Variants in MACO1 observed in about 807,000 individuals in gnomAD.
The protein encoded by MACO1 is macoilin.
In MACO1, 14 loss-of-function variants were observed where a neutral mutation model predicts 78.7. That is an observed-to-expected ratio of 0.18 (90% CI 0.12 to 0.28). MACO1 has a LOEUF of 0.28. MACO1 is among the 10% of genes least tolerant of loss of function. The probability of loss-of-function intolerance (pLI) is 1.00; values close to 1 mark genes in which losing one functional copy is unlikely to be tolerated. For missense variants in MACO1, 501 were observed against 799.0 expected, an observed-to-expected ratio of 0.63 and a Z score of 4.50; for synonymous variants, 288 against 291.6, an observed-to-expected ratio of 0.99 and a Z score of 0.12.
intron 1 of MACO1, among the ~76,000 whole-genome samples, chr1:25,440,967 G>A (rs758287255): frequency 1.3e-5 from 2 of 152,134 alleles, no homozygotes; most frequent in Non-Finnish European, 2.9e-5. Flanking sequence ...TATTAAATTA[G>A]TTTCTTCATA....
intron 6 of MACO1, among the ~76,000 whole-genome samples, chr1:25,468,612 C>A (rs1344654702): frequency 1.3e-5 from 2 of 152,132 alleles, no homozygotes; most frequent in Non-Finnish European, 2.9e-5. Context: ...GCTCCAAATT[C>A]ATTTGGTTAT....
At chr1:25,453,099 G>C (rs1185479503) in intron 3 of MACO1, among the ~76,000 whole-genome samples, 1 of 149,288 alleles carries the variant, frequency 6.7e-6, no homozygotes, top group Non-Finnish European at 1.5e-5. Context: ...TCTGCCTCCC[G>C]GGTTCAAGCG....
intron 6 of MACO1, among the ~76,000 whole-genome samples, chr1:25,461,934 C>A (rs35346083): frequency 0.57 from 86,464 of 151,480 alleles, 26,118 homozygotes; most frequent in African/African-American, 0.77. Context: ...AAGGAAAAGC[C>A]TCTATCTGAG....
intron 1 of MACO1, among the ~76,000 whole-genome samples, chr1:25,437,845 C>T (rs2042933158): frequency 6.6e-6 from 1 of 152,052 alleles, no homozygotes; most frequent in Non-Finnish European, 1.5e-5. Context: ...CACGTGAGCC[C>T]AGGAGTTTGA....
Position 25,490,704 on chromosome 1 carries a change from A to G in MACO1, c.1618-706A>G, listed in dbSNP as rs187770357. On this transcript the variant is annotated intron_variant, in intron 9 of 10. Transcript: ENST00000374343. ...AATTTTGGTATGTAAACATTCAGGA[A>G]TATTGTACAGCCAATAAAAATTTTA... 6.6e-5 allele frequency among the ~76,000 whole-genome samples: 10 copies of G among 152,364 alleles called. No individual in the cohort carries two copies. In the East Asian group the frequency reaches 1.5e-3, roughly 23 times the overall value.
At chr1:25,440,427 A>G (rs983847167) in intron 1 of MACO1, among the ~76,000 whole-genome samples, 1 of 151,334 alleles carries the variant, frequency 6.6e-6, no homozygotes, top group Non-Finnish European at 1.5e-5. Flanking sequence ...AAAAAGAAGA[A>G]AGAAAAAAGT....
At chr1:25,483,410 CACTT>C (rs765370920) in intron 6 of MACO1, among the ~76,000 whole-genome samples, 2 of 152,176 alleles carry the variant, frequency 1.3e-5, no homozygotes, top group Non-Finnish European at 2.9e-5. Flanking sequence ...CAATACCTGT[CACTT>C]AAAGTGAAAC....
At chr1:25,436,122 T>G (rs1041900831) in intron 1 of MACO1, among the ~76,000 whole-genome samples, 5 of 152,202 alleles carry the variant, frequency 3.3e-5, no homozygotes, top group African/African-American at 1.2e-4. Context: ...CTCACTAGAT[T>G]TAGAGATTGA....
intron 3 of MACO1, 49 bp from the exon 4 acceptor site, chr1:25,454,210 A>C (rs2043094457): frequency 6.7e-7 from 1 of 1,487,804 alleles, no homozygotes; most frequent in Non-Finnish European, 9.0e-7. Flanking sequence ...TCCATCTGTT[A>C]GTTACTATAT....
At chr1:25,451,066 T>TGGGCTACTGGCCCATAAAGATGG (rs374153687) in intron 3 of MACO1, among the ~76,000 whole-genome samples, 7,147 of 152,270 alleles carry the variant, frequency 0.047, 537 homozygotes, top group African/African-American at 0.16. Context: ...TGTCATAAAA[T>TGGGCTACTGGCCCATAAAGATGG]GCTACTGGCC....
chr1:25,484,182 C>G lies in MACO1; in HGVS notation c.1221C>G (p.Leu407=). The G allele has an allele frequency of 1.2e-6, 2 of 1,614,086 alleles. No homozygotes were observed. The highest frequency in any genetic ancestry group is 1.7e-6 in the Non-Finnish European group (2 of 1,180,016). The change falls in exon 7 of 11, where the codon CTC becomes CTG. Residue 407 remains leucine (L), a synonymous_variant. Transcript: ENST00000374343. ...LQASRQVEQE[L]RSQISSLSST... ...CCAGCAGACAAGTGGAACAAGAGCT[C>G]CGCAGTCAGATCAGCTCCCTTTCGA...
intron 7 of MACO1, among the ~76,000 whole-genome samples, chr1:25,484,903 C>A (rs1156728596): frequency 6.6e-6 from 1 of 152,088 alleles, no homozygotes; most frequent in Non-Finnish European, 1.5e-5. Context: ...AGGAATGTAA[C>A]TCAAAAGCTA....
At chr1:25,482,704 G>T (rs1439960655) in intron 6 of MACO1, among the ~76,000 whole-genome samples, 1 of 152,124 alleles carries the variant, frequency 6.6e-6, no homozygotes, top group Non-Finnish European at 1.5e-5. Flanking sequence ...CTATAGTTTG[G>T]CCTAATGGTG....
At chr1:25,432,464 A>G (rs1422692541) in intron 1 of MACO1, among the ~76,000 whole-genome samples, 1 of 152,258 alleles carries the variant, frequency 6.6e-6, no homozygotes, top group South Asian at 2.1e-4. Flanking sequence ...TATATATACT[A>G]TGTGCCAGGA....
chr1:25,441,992 C>A (rs2042977191), intron 1 of MACO1, among the ~76,000 whole-genome samples: 1 of 152,164 alleles, frequency 6.6e-6, no homozygotes, highest in African/African-American at 2.4e-5. Context: ...AATTCCATGA[C>A]AATGAGAAAT....
intron 8 of MACO1, among the ~76,000 whole-genome samples, chr1:25,486,777 C>T (rs1251455819): frequency 6.6e-6 from 1 of 152,210 alleles, no homozygotes. Context: ...CCTGCCTCCC[C>T]CCAGCAGATG....
At chr1:25,475,452 C>G (rs1292035042) in intron 6 of MACO1, among the ~76,000 whole-genome samples, 1 of 151,364 alleles carries the variant, frequency 6.6e-6, no homozygotes, top group Admixed American at 6.6e-5. Flanking sequence ...TGGCTCACGC[C>G]TGTAATCTGA....
intron 10 of MACO1, among the ~76,000 whole-genome samples, chr1:25,496,515 T>G (rs981379865): frequency 3.9e-5 from 6 of 152,164 alleles, no homozygotes; most frequent in Admixed American, 2.6e-4. Flanking sequence ...AATCATGTCT[T>G]TCTTCTGGTC....
At chr1:25,439,629 G>T (rs925949773) in intron 1 of MACO1, among the ~76,000 whole-genome samples, 1 of 151,452 alleles carries the variant, frequency 6.6e-6, no homozygotes, top group Non-Finnish European at 1.5e-5. Context: ...TGCAGCAGTG[G>T]TTCCAGTTTA....
Sources: gnomAD v4.1 joint callset for allele counts (sites outside exome capture counted in the v4.1 genomes callset) on GRCh38, gnomAD v4.1.1 for gene constraint, MANE v1.5 for transcripts, NCBI Gene and HGNC (gene_info 2026-07-23, HGNC 2026-07-21) for gene names.